Variants in ZNF722 observed in about 807,000 individuals in gnomAD.
ZNF722 encodes the protein zinc finger protein 722.
At chr7:64,010,340 G>A in the ZNF722 span, among the ~76,000 whole-genome samples, 1 of 152,148 alleles carries the variant, frequency 6.6e-6, no homozygotes, top group African/African-American at 2.4e-5. Flanking sequence ...ATATTAGGGT[G>A]TTGATTTTAG....
the ZNF722 span, among the ~76,000 whole-genome samples, chr7:64,016,284 A>G: frequency 6.6e-6 from 1 of 152,092 alleles, no homozygotes; most frequent in Non-Finnish European, 1.5e-5. Context: ...GACTATAGGC[A>G]TGTGCCACCA....
At chr7:63,999,989 C>A in the ZNF722 span, among the ~76,000 whole-genome samples, 1 of 152,144 alleles carries the variant, frequency 6.6e-6, no homozygotes, top group Non-Finnish European at 1.5e-5. Flanking sequence ...AGCCACCTCA[C>A]CCAACCATAA....
the ZNF722 span, among the ~76,000 whole-genome samples, chr7:64,001,421 ATGT>A: frequency 1.3e-5 from 2 of 152,158 alleles, no homozygotes; most frequent in Non-Finnish European, 2.9e-5. Context: ...AAAGGACATG[ATGT>A]TGTTCTTCCT....
the ZNF722 span, among the ~76,000 whole-genome samples, chr7:64,003,227 T>C: frequency 2.0e-5 from 3 of 152,084 alleles, no homozygotes; most frequent in African/African-American, 7.2e-5. Flanking sequence ...TGGTGTCTGA[T>C]AGGGGAGGGC....
At chr7:63,999,052 C>A in the ZNF722 span, 1 of 1,549,054 alleles carries the variant, frequency 6.5e-7, no homozygotes, top group Non-Finnish European at 8.9e-7. Flanking sequence ...TTGGAACCGG[C>A]TGAAAGTGGC....
At chr7:64,006,858 G>A in the ZNF722 span, among the ~76,000 whole-genome samples, 1 of 150,926 alleles carries the variant, frequency 6.6e-6, no homozygotes, top group Non-Finnish European at 1.5e-5. Context: ...TTTAGAGGCT[G>A]GGTTATGATA....
chr7:64,015,115 A>G, the ZNF722 span: 1 of 1,430,684 alleles, frequency 7.0e-7, no homozygotes, highest in South Asian at 1.1e-5. Context: ...ACATATGGAA[A>G]ATGTGGACAT....
chr7:64,003,712 C>G, the ZNF722 span, among the ~76,000 whole-genome samples: 1 of 152,120 alleles, frequency 6.6e-6, no homozygotes, highest in Admixed American at 6.5e-5. Flanking sequence ...ACATACTTTT[C>G]ATCTTGGGTT....
the ZNF722 span, among the ~76,000 whole-genome samples, chr7:64,012,981 T>G: frequency 6.6e-6 from 1 of 152,178 alleles, no homozygotes; most frequent in African/African-American, 2.4e-5. Flanking sequence ...TGTTTGGTTC[T>G]TTTTTGACTT....
the ZNF722 span, chr7:64,006,438 C>G: frequency 1.4e-6 from 1 of 697,048 alleles, no homozygotes; most frequent in South Asian, 2.3e-5. Flanking sequence ...TTCTGAGAGG[C>G]TCGAGTCATT....
chr7:64,012,213 C>T, the ZNF722 span, among the ~76,000 whole-genome samples: 7 of 152,158 alleles, frequency 4.6e-5, no homozygotes, highest in South Asian at 6.2e-4. Flanking sequence ...GCAATGGGTT[C>T]GAACATCCTC....
the ZNF722 span, among the ~76,000 whole-genome samples, chr7:64,002,870 T>A: frequency 6.6e-6 from 1 of 152,232 alleles, no homozygotes; most frequent in East Asian, 1.9e-4. Context: ...TGTCTTTATT[T>A]GTACCAGATG....
the ZNF722 span, among the ~76,000 whole-genome samples, chr7:64,009,227 A>C: frequency 1.3e-5 from 2 of 152,070 alleles, no homozygotes; most frequent in Non-Finnish European, 2.9e-5. Flanking sequence ...CTAATTGAAT[A>C]CCCTTTATTT....
chr7:64,010,574 G>C, the ZNF722 span, among the ~76,000 whole-genome samples: 3 of 152,160 alleles, frequency 2.0e-5, no homozygotes, highest in Non-Finnish European at 4.4e-5. Flanking sequence ...TCTTAATCCT[G>C]AGTTCTAATT....
the ZNF722 span, among the ~76,000 whole-genome samples, chr7:64,000,746 C>T: frequency 3.3e-5 from 5 of 151,702 alleles, no homozygotes; most frequent in African/African-American, 1.2e-4. Flanking sequence ...TTATCACACC[C>T]AGCCTGCATT....
At chr7:64,006,264 G>A in the ZNF722 span, 5 of 1,306,654 alleles carry the variant, frequency 3.8e-6, no homozygotes, top group East Asian at 1.0e-4. Flanking sequence ...CCTGTCTGGA[G>A]CAAAATAAAG....
the ZNF722 span, among the ~76,000 whole-genome samples, chr7:64,010,926 C>T: frequency 1.3e-5 from 2 of 152,252 alleles, no homozygotes; most frequent in East Asian, 3.9e-4. Context: ...CTGGGTGCTC[C>T]TGTATTGGGT....
At chr7:64,011,767 C>G in the ZNF722 span, among the ~76,000 whole-genome samples, 1 of 152,066 alleles carries the variant, frequency 6.6e-6, no homozygotes, top group Non-Finnish European at 1.5e-5. Flanking sequence ...GTGATGTTCT[C>G]TGTATTTCCT....
At chr7:64,000,436 CTTTTTTTTTTTTTTTTTT>C in the ZNF722 span, among the ~76,000 whole-genome samples, 99 of 23,704 alleles carry the variant, frequency 4.2e-3, 1 homozygote, top group South Asian at 0.029. Flanking sequence ...CATGCCCGGC[CTTTTTTTTTTTTTTTTTT>C]TTTTTTTTTT....
Sources: gnomAD v4.1 joint callset for allele counts (sites outside exome capture counted in the v4.1 genomes callset) on GRCh38, gnomAD v4.1.1 for gene constraint, MANE v1.5 for transcripts, NCBI Gene and HGNC (gene_info 2026-07-23, HGNC 2026-07-21) for gene names.